CWC27: variants seen among roughly 807,000 people sequenced by gnomAD.
CWC27 encodes the protein spliceosome-associated protein CWC27 homolog.
In CWC27, 47 loss-of-function variants were observed where a neutral mutation model predicts 63.6. The ratio of observed to expected loss-of-function variants is 0.74; its 90% CI spans 0.58 to 0.94. CWC27 has a LOEUF of 0.94. Among genes scored for constraint, CWC27 ranks in the 40% least tolerant of loss-of-function variants. CWC27 has a pLI of 0.00. For synonymous variants in CWC27, 175 were observed against 179.8 expected (o/e 0.97, Z 0.22); for missense variants, 495 against 554.3 (o/e 0.89, Z 1.07).
chr5:64,970,536 A>G (rs1352693319), intron 11 of CWC27, among the ~76,000 whole-genome samples: 2 of 152,148 alleles, frequency 1.3e-5, no homozygotes, highest in Non-Finnish European at 2.9e-5. Flanking sequence ...AACCTACTAT[A>G]AGAATCACTT....
At chr5:64,950,380 T>G (rs1426907554) in intron 11 of CWC27, among the ~76,000 whole-genome samples, 2 of 151,974 alleles carry the variant, frequency 1.3e-5, no homozygotes, top group African/African-American at 2.4e-5. Context: ...TACTAGAATT[T>G]TATCATGAAG....
At chr5:64,935,955 C>T (rs1748342822) in intron 11 of CWC27, among the ~76,000 whole-genome samples, 1 of 152,092 alleles carries the variant, frequency 6.6e-6, no homozygotes, top group Admixed American at 6.5e-5. Context: ...ATTTTGTATC[C>T]TGAGACTTTC....
intron 11 of CWC27, among the ~76,000 whole-genome samples, chr5:64,967,077 T>G (rs979073766): frequency 6.6e-6 from 1 of 152,086 alleles, no homozygotes; most frequent in Non-Finnish European, 1.5e-5. Context: ...AAACTGCTTA[T>G]TTCTATTTGC....
chr5:64,814,761 A>G (rs1469193760), intron 10 of CWC27, among the ~76,000 whole-genome samples: 5 of 152,208 alleles, frequency 3.3e-5, no homozygotes, highest in African/African-American at 1.2e-4. Flanking sequence ...ATTATTTCAC[A>G]TATATTATAA....
At chr5:64,860,087 G>A (rs1746360482) in intron 10 of CWC27, among the ~76,000 whole-genome samples, 1 of 152,088 alleles carries the variant, frequency 6.6e-6, no homozygotes, top group Non-Finnish European at 1.5e-5. Flanking sequence ...AAGCTAAAAA[G>A]TGCCAGAGCC....
intron 11 of CWC27, among the ~76,000 whole-genome samples, chr5:64,931,852 A>G (rs1343074558): frequency 6.6e-6 from 1 of 152,088 alleles, no homozygotes; most frequent in Non-Finnish European, 1.5e-5. Flanking sequence ...TGTGTAGTAC[A>G]TATTTATTTT....
chr5:64,997,427 T>G (rs1317746095), intron 13 of CWC27, among the ~76,000 whole-genome samples: 3 of 152,184 alleles, frequency 2.0e-5, no homozygotes, highest in Non-Finnish European at 4.4e-5. Context: ...TGTGTTCTTG[T>G]TTTCATCTTC....
At chr5:65,005,640 T>A (rs188209625) in intron 13 of CWC27, among the ~76,000 whole-genome samples, 118 of 152,296 alleles carry the variant, frequency 7.7e-4, no homozygotes, top group East Asian at 6.6e-3. Context: ...TCTGATCCCC[T>A]CTTCCCTGGA....
intron 10 of CWC27, among the ~76,000 whole-genome samples, chr5:64,813,916 A>C (rs1269750485): frequency 2.6e-5 from 4 of 152,024 alleles, no homozygotes; most frequent in African/African-American, 9.7e-5. Context: ...TAGTGATTTT[A>C]TTTTTGCTAT....
chr5:64,805,849 C>T (rs1352301718), intron 10 of CWC27, among the ~76,000 whole-genome samples: 1 of 151,962 alleles, frequency 6.6e-6, no homozygotes, highest in Non-Finnish European at 1.5e-5. Context: ...TTGCATTTTC[C>T]AAAATTGTGT....
chr5:64,845,498 T>C (rs1346506726), intron 10 of CWC27, among the ~76,000 whole-genome samples: 1 of 152,168 alleles, frequency 6.6e-6, no homozygotes, highest in Non-Finnish European at 1.5e-5. Flanking sequence ...TGGAAACTGA[T>C]ACCTAACAAA....
intron 10 of CWC27, among the ~76,000 whole-genome samples, chr5:64,819,088 G>A (rs1003533824): frequency 1.3e-5 from 2 of 152,130 alleles, no homozygotes; most frequent in African/African-American, 2.4e-5. Context: ...AAGCAAGTTG[G>A]GATCTAGATT....
At chr5:64,797,743 T>C (rs1404601493) in intron 7 of CWC27, among the ~76,000 whole-genome samples, 2 of 152,162 alleles carry the variant, frequency 1.3e-5, no homozygotes, top group East Asian at 3.8e-4. Context: ...TTAAAATCGC[T>C]CTTAGTGGTT....
In CWC27 at chr5:64,786,459, C is replaced by T. The variant is rs1025876312; in HGVS notation, c.496-65C>T. ...GACACTATACCACTGGAATTACATA[C>T]GGGGTTTGATTTTTTGTGAAATGTT... On this transcript the variant is annotated intron_variant, in intron 5 of 13. Coordinates refer to ENST00000381070, the MANE Select transcript of CWC27 (RefSeq NM_005869.4). The T allele has an allele frequency of 1.1e-4, 106 of 926,654 alleles. 1 individual carries two copies. The highest frequency in any genetic ancestry group is 2.0e-4 in the African/African-American group (12 of 58,894). The allele number at this position is 926,654 out of a possible 1,614,324, so 57.4% of individuals were successfully genotyped here.
At chr5:64,885,685 C>G in intron 11 of CWC27, 139 bp downstream of exon 11, 2 of 410,662 alleles carry the variant, frequency 4.9e-6, no homozygotes, top group South Asian at 2.4e-5. Context: ...TCTTTCCCTC[C>G]CTCTTGAGTT....
At chr5:64,863,413 C>T (rs1746458368) in intron 10 of CWC27, among the ~76,000 whole-genome samples, 1 of 151,862 alleles carries the variant, frequency 6.6e-6, no homozygotes, top group Admixed American at 6.6e-5. Flanking sequence ...CTCTGTTCTC[C>T]CCTACTCTGC....
At chr5:64,960,848 A>G (rs1399802242) in intron 11 of CWC27, among the ~76,000 whole-genome samples, 1 of 151,674 alleles carries the variant, frequency 6.6e-6, no homozygotes, top group Admixed American at 6.6e-5. Flanking sequence ...CCTAGGCCCA[A>G]GTGATCCTCC....
At chr5:64,844,462 C>T (rs927736861) in intron 10 of CWC27, among the ~76,000 whole-genome samples, 2 of 152,140 alleles carry the variant, frequency 1.3e-5, no homozygotes, top group African/African-American at 4.8e-5. Flanking sequence ...TAGTTTCCCA[C>T]CCAGCCTCAG....
At chr5:64,810,352 T>C (rs532078297) in intron 10 of CWC27, among the ~76,000 whole-genome samples, 1 of 152,298 alleles carries the variant, frequency 6.6e-6, no homozygotes, top group South Asian at 2.1e-4. Context: ...TTGTTCTTTT[T>C]GGTCAAGATT....
Sources: gnomAD v4.1 joint callset for allele counts (sites outside exome capture counted in the v4.1 genomes callset) on GRCh38, gnomAD v4.1.1 for gene constraint, MANE v1.5 for transcripts, NCBI Gene and HGNC (gene_info 2026-07-23, HGNC 2026-07-21) for gene names.